The following GABPB1 variants were observed in gnomAD, a reference collection of about 807,000 sequenced individuals.
The protein encoded by GABPB1 is GA binding protein transcription factor subunit beta 1.
Under a neutral mutation model 45.9 loss-of-function variants are expected in GABPB1, and 15 were observed. The ratio of observed to expected loss-of-function variants is 0.33; its 90% confidence interval spans 0.22 to 0.50. GABPB1 has a LOEUF of 0.50. Ranked by LOEUF, GABPB1 falls within the 20% of genes least tolerant of loss-of-function variation. The probability of loss-of-function intolerance (pLI) is 0.98; values close to 1 mark genes in which losing one functional copy is unlikely to be tolerated. For missense variants in GABPB1, 252 were observed against 457.5 expected (o/e 0.55, Z 4.10); for synonymous variants, 143 against 154.4 (o/e 0.93, Z 0.55).
chr15:50,329,105 T>C (rs1367759350), intron 1 of GABPB1, among the ~76,000 whole-genome samples: 1 of 152,192 alleles, frequency 6.6e-6, no homozygotes, highest in East Asian at 1.9e-4. Flanking sequence ...ACAAGAATGT[T>C]CCAGGTTACG....
chr15:50,354,588 A>T (rs750110967), intron 1 of GABPB1: 2 of 447,682 alleles, frequency 4.5e-6, no homozygotes, highest in South Asian at 3.1e-5. Flanking sequence ...GCCCACTGCC[A>T]ACCTCCAGTC....
chr15:50,303,677 C>CA (rs371842725), intron 3 of GABPB1, among the ~76,000 whole-genome samples: 7,849 of 96,610 alleles, frequency 0.081, 281 homozygotes, highest in Non-Finnish European at 0.1. Flanking sequence ...GATTCTGTCT[C>CA]AAAAAAAAAA....
In GABPB1 at chr15:50,279,512, A is replaced by G. The variant is rs201771960; in HGVS notation, c.1000-728T>C. 1.4e-4 allele frequency among the ~76,000 whole-genome samples: 22 copies of G among 152,360 alleles called. 1 individual carries two copies. The East Asian group carries it at 2.3e-3, about 16-fold the overall frequency. Reference sequence around the variant, plus strand: ...TATAGGTATAAAATATATGCATTAAATTCCTCAACAAATTGAGAGCTGAAA... The same window carrying G: ...TATAGGTATAAAATATATGCATTAAGTTCCTCAACAAATTGAGAGCTGAAA... On this transcript the variant is annotated intron_variant, in intron 8 of 8. Coordinates refer to ENST00000380877, the MANE Select transcript of GABPB1 (RefSeq NM_016654.5).
chr15:50,303,678 A>T (rs1484821998), intron 3 of GABPB1, among the ~76,000 whole-genome samples: 2 of 68,370 alleles, frequency 2.9e-5, no homozygotes, highest in African/African-American at 6.6e-5. Flanking sequence ...ATTCTGTCTC[A>T]AAAAAAAAAA....
intron 2 of GABPB1, among the ~76,000 whole-genome samples, chr15:50,309,155 T>G (rs2141047338): frequency 6.6e-6 from 1 of 152,282 alleles, no homozygotes; most frequent in East Asian, 1.9e-4. Flanking sequence ...AGACAATACT[T>G]TTTTATTTGC....
At chr15:50,327,894 T>C (rs1435587492) in intron 1 of GABPB1, among the ~76,000 whole-genome samples, 1 of 151,376 alleles carries the variant, frequency 6.6e-6, no homozygotes, top group Non-Finnish European at 1.5e-5. Flanking sequence ...CGAGACTCCA[T>C]CTCAAAAGAA....
chr15:50,315,466 A>C (rs539111223), intron 1 of GABPB1, among the ~76,000 whole-genome samples: 1 of 152,358 alleles, frequency 6.6e-6, no homozygotes, highest in South Asian at 2.1e-4. Context: ...CGGAAGGGGC[A>C]ATACAAAATA....
At chr15:50,298,489 T>C (rs940450998) in intron 6 of GABPB1, among the ~76,000 whole-genome samples, 11 of 152,224 alleles carry the variant, frequency 7.2e-5, no homozygotes, top group Non-Finnish European at 1.3e-4. Flanking sequence ...ATTACATAAG[T>C]ATTAAATAGA....
intron 1 of GABPB1, chr15:50,349,221 T>G (rs990297406): frequency 2.0e-5 from 3 of 152,070 alleles, no homozygotes; most frequent in Non-Finnish European, 4.4e-5. Context: ...AAGGGGGATA[T>G]TGCACTGGAC....
chr15:50,287,909 C>T (rs2046221099), intron 7 of GABPB1, among the ~76,000 whole-genome samples: 1 of 152,126 alleles, frequency 6.6e-6, no homozygotes, highest in African/African-American at 2.4e-5. Context: ...GCAACAAACT[C>T]CTTTCTTGAA....
intron 8 of GABPB1, among the ~76,000 whole-genome samples, chr15:50,284,927 ATATT>A (rs1353578302): frequency 6.6e-6 from 1 of 152,172 alleles, no homozygotes; most frequent in African/African-American, 2.4e-5. Flanking sequence ...CCCAACATCA[ATATT>A]TAAAGTCATA....
chr15:50,353,407 G>GT lies in GABPB1; in HGVS notation c.-1+1577dup, dbSNP rs1263607853. The GT allele has an allele frequency of 6.6e-5, 10 of 151,816 alleles. No homozygotes were observed. In the East Asian group the frequency reaches 1.7e-3, roughly 26 times the overall value. 9.4% of individuals were successfully genotyped at this position (151,816 alleles called of 1,614,324 possible). A position where few individuals can be genotyped will look rare whatever the true frequency, so the allele number is the denominator to read the frequency against. ...GTTTTTTGGTTTTTTTTTTAAAAAAGTATGAGTGTACAGTGGAGTGTTCCA... is the reference window on the plus strand; with the variant it reads ...GTTTTTTGGTTTTTTTTTTAAAAAAGTTATGAGTGTACAGTGGAGTGTTCCA... On this transcript the variant is annotated intron_variant, in intron 1 of 8. Coordinates refer to ENST00000380877, the MANE Select transcript of GABPB1 (RefSeq NM_016654.5).
intron 3 of GABPB1, 80 bp from the exon 4 acceptor site, chr15:50,303,203 G>T (rs981203399): frequency 4.6e-6 from 5 of 1,087,330 alleles, no homozygotes; most frequent in Non-Finnish European, 6.6e-6. Context: ...TTAGTTCTGT[G>T]CTTTAAAGCA....
At chr15:50,278,908 T>C (rs1250014188) in intron 8 of GABPB1, 124 bp from the exon 9 acceptor site, 3 of 685,668 alleles carry the variant, frequency 4.4e-6, no homozygotes, top group South Asian at 2.6e-5. Flanking sequence ...CCTATTGAAA[T>C]TTCCTAGACA....
chr15:50,337,253 C>T (rs71394991), intron 1 of GABPB1, among the ~76,000 whole-genome samples: 271 of 151,120 alleles, frequency 1.8e-3, no homozygotes, highest in Non-Finnish European at 3.3e-3. Context: ...GGTAAGCACA[C>T]GTTGGAGGTG....
chr15:50,315,585 A>C (rs540171645), intron 1 of GABPB1, among the ~76,000 whole-genome samples: 2 of 152,364 alleles, frequency 1.3e-5, no homozygotes, highest in South Asian at 4.1e-4. Flanking sequence ...TTTCTTGTCA[A>C]GATAATTAGT....
At chr15:50,286,224 G>C (rs775853216) in intron 7 of GABPB1, 41 bp from the exon 8 acceptor site, 2 of 1,336,916 alleles carry the variant, frequency 1.5e-6, no homozygotes, top group East Asian at 2.6e-5. Flanking sequence ...CATTTTCAGA[G>C]AGATTTATTA....
chr15:50,280,692 G>A (rs2045945115), intron 8 of GABPB1, among the ~76,000 whole-genome samples: 1 of 151,838 alleles, frequency 6.6e-6, no homozygotes, highest in Non-Finnish European at 1.5e-5. Context: ...GCTGCAGTGA[G>A]CAACTCCACC....
chr15:50,311,124 A>G (rs2047119104), intron 1 of GABPB1, among the ~76,000 whole-genome samples: 1 of 152,214 alleles, frequency 6.6e-6, no homozygotes. Context: ...AATATATGTC[A>G]GAAAAAAGAT....
Sources: allele counts gnomAD v4.1 joint callset (sites outside exome capture counted in the v4.1 genomes callset), GRCh38; gene constraint gnomAD v4.1.1; transcripts MANE v1.5; gene names NCBI Gene and HGNC (gene_info 2026-07-23, HGNC 2026-07-21).